Variants in ROBO1 observed in about 807,000 individuals in gnomAD.
The protein encoded by ROBO1 is roundabout guidance receptor 1, also known as roundabout homolog 1.
A neutral mutation model predicts 195.9 loss-of-function variants in ROBO1; 149 were observed. The observed-to-expected ratio is 0.76, with a 90% CI of 0.67 to 0.87. The LOEUF (loss-of-function observed/expected upper bound fraction) is 0.87, where lower values mean the gene tolerates loss of function less well. Among genes scored for constraint, ROBO1 ranks in the 40% least tolerant of loss-of-function variants. The probability of loss-of-function intolerance (pLI) is 0.00; values close to 1 mark genes in which losing one functional copy is unlikely to be tolerated. For synonymous variants in ROBO1, 816 were observed against 733.2 expected (o/e 1.11, Z -1.82); for missense variants, 1,933 against 2,068.3 (o/e 0.93, Z 1.27).
intron 3 of ROBO1, among the ~76,000 whole-genome samples, chr3:79,054,482 C>G (rs534279843): frequency 2.6e-5 from 4 of 152,150 alleles, no homozygotes; most frequent in Non-Finnish European, 5.9e-5. Context: ...TACCTGATCA[C>G]GAGGTGTTAC....
rs769952741 is a variant in ROBO1, at chr3:79,642,457, A to ACTAC, written c.-50-52500_-50-52497dup. On this transcript the variant is annotated intron_variant, in intron 1 of 30. Coordinates refer to ENST00000464233, the MANE Select transcript of ROBO1 (RefSeq NM_002941.4). ...GCACCAAACTGATTTGACCCAAATA[A>ACTAC]CTACCCCAAAAATATAATAAAACTC... 3.9e-5 allele frequency among the ~76,000 whole-genome samples: 6 copies of ACTAC among 152,274 alleles called. No homozygotes were observed. The East Asian group carries it at 7.7e-4, about 20-fold the overall frequency.
chr3:79,327,742 C>T (rs577123506), intron 2 of ROBO1, among the ~76,000 whole-genome samples: 1 of 151,748 alleles, frequency 6.6e-6, no homozygotes, highest in African/African-American at 2.4e-5. Context: ...AGCCCGTGAT[C>T]CATTCTCTAG....
At chr3:79,059,520 T>G (rs1025234761) in intron 3 of ROBO1, among the ~76,000 whole-genome samples, 1 of 152,056 alleles carries the variant, frequency 6.6e-6, no homozygotes, top group Non-Finnish European at 1.5e-5. Flanking sequence ...AGCGATGTTG[T>G]GGGAAGTCAG....
chr3:79,479,222 C>T (rs971699647), intron 2 of ROBO1, among the ~76,000 whole-genome samples: 2 of 152,130 alleles, frequency 1.3e-5, no homozygotes, highest in African/African-American at 2.4e-5. Context: ...GGGCGGATTT[C>T]GTGGAAGATG....
chr3:79,389,034 A>C (rs1158397578), intron 2 of ROBO1, among the ~76,000 whole-genome samples: 2 of 152,082 alleles, frequency 1.3e-5, no homozygotes, highest in Non-Finnish European at 2.9e-5. Flanking sequence ...AGCTAAATTA[A>C]TAATAAAATT....
intron 2 of ROBO1, among the ~76,000 whole-genome samples, chr3:79,411,905 A>C (rs1006610203): frequency 6.6e-6 from 1 of 152,126 alleles, no homozygotes; most frequent in African/African-American, 2.4e-5. Context: ...AAGAATTGAA[A>C]ACCCTGGTTA....
intron 2 of ROBO1, among the ~76,000 whole-genome samples, chr3:79,323,511 T>C (rs971870574): frequency 3.3e-5 from 5 of 152,204 alleles, no homozygotes; most frequent in African/African-American, 1.2e-4. Context: ...AAACTATCTA[T>C]GCATGCGTGT....
intron 2 of ROBO1, among the ~76,000 whole-genome samples, chr3:79,488,997 A>G (rs1939305944): frequency 6.6e-6 from 1 of 152,176 alleles, no homozygotes. Flanking sequence ...ATAACAAAAA[A>G]CAAATGACCA....
chr3:79,630,376 AT>A (rs1324024078), intron 1 of ROBO1, among the ~76,000 whole-genome samples: 1 of 152,068 alleles, frequency 6.6e-6, no homozygotes, highest in African/African-American at 2.4e-5. Context: ...TATAAGTAGA[AT>A]TAAAAACAAA....
intron 2 of ROBO1, among the ~76,000 whole-genome samples, chr3:79,571,739 A>G (rs2107749505): frequency 6.6e-6 from 1 of 152,204 alleles, no homozygotes; most frequent in East Asian, 1.9e-4. Context: ...ATTATAATTA[A>G]CTCATATATC....
chr3:79,407,147 T>C (rs138207655), intron 2 of ROBO1, among the ~76,000 whole-genome samples: 3,084 of 152,154 alleles, frequency 0.02, 60 homozygotes, highest in South Asian at 0.026. Flanking sequence ...AGACTGGTCT[T>C]GAACTCCTGA....
At chr3:79,322,574 C>T (rs539810652) in intron 2 of ROBO1, among the ~76,000 whole-genome samples, 1 of 152,220 alleles carries the variant, frequency 6.6e-6, no homozygotes, top group Non-Finnish European at 1.5e-5. Flanking sequence ...TGAGAGAGTG[C>T]AAATGGGATC....
chr3:79,231,836 T>C (rs1331600759), intron 2 of ROBO1, among the ~76,000 whole-genome samples: 2 of 152,078 alleles, frequency 1.3e-5, no homozygotes, highest in Non-Finnish European at 2.9e-5. Context: ...ATGGGTAGAC[T>C]GGATAAAGAA....
At chr3:79,167,777 G>A (rs534365413) in intron 2 of ROBO1, among the ~76,000 whole-genome samples, 3 of 152,264 alleles carry the variant, frequency 2.0e-5, no homozygotes, top group Non-Finnish European at 4.4e-5. Context: ...CAGAATACTT[G>A]GGTTTGAATT....
intron 7 of ROBO1, chr3:78,715,324 CT>C (rs1282789051): frequency 6.6e-6 from 1 of 152,108 alleles, no homozygotes; most frequent in African/African-American, 2.4e-5. Flanking sequence ...TACGTATCTT[CT>C]TTCACCAGCT....
Position 79,644,379 on chromosome 3 carries a change from T to C in ROBO1, c.-50-54418A>G, listed in dbSNP as rs1044926620. ...TGTTTTCATGCTTCTGATAAAGACA[T>C]ACCTGAGACTGGGCAAGTTAAAAAA... On this transcript the variant is annotated intron_variant, in intron 1 of 30. Transcript: ENST00000464233. Among the ~76,000 whole-genome samples the C allele has an allele frequency of 3.9e-5, 6 of 152,264 alleles. No individual in the cohort carries two copies. In the East Asian group the frequency reaches 1.2e-3, roughly 29 times the overall value.
rs2036132411 is a variant in ROBO1, at chr3:78,880,792, G to A, written c.499+57809C>T. Reference sequence around the variant, plus strand: ...AGCTATTTATGTCACAGTTTCATAAGACAGGTCTATGTCCAGCTGGAAATA... The same window carrying A: ...AGCTATTTATGTCACAGTTTCATAAAACAGGTCTATGTCCAGCTGGAAATA... On this transcript the variant is annotated intron_variant, in intron 4 of 30. Transcript: ENST00000464233. Among the ~76,000 whole-genome samples, 7 of 152,066 alleles carry A rather than the reference G, an allele frequency of 4.6e-5. No homozygotes were observed. In the South Asian group the frequency reaches 1.4e-3, roughly 31 times the overall value.
chr3:79,118,574 T>A (rs2108554085), intron 3 of ROBO1, among the ~76,000 whole-genome samples: 1 of 152,194 alleles, frequency 6.6e-6, no homozygotes, highest in Admixed American at 6.5e-5. Context: ...CTTTTGCTTA[T>A]ATTTTAAAAA....
intron 2 of ROBO1, among the ~76,000 whole-genome samples, chr3:79,524,465 T>G (rs1025586749): frequency 1.3e-5 from 2 of 152,068 alleles, no homozygotes; most frequent in African/African-American, 4.8e-5. Context: ...TTGAAAAATC[T>G]GAATTTTTAT....
Sources: allele counts gnomAD v4.1 joint callset (sites outside exome capture counted in the v4.1 genomes callset), GRCh38; gene constraint gnomAD v4.1.1; transcripts MANE v1.5; gene names NCBI Gene and HGNC (gene_info 2026-07-23, HGNC 2026-07-21).